TMCO4: variants seen among roughly 807,000 people sequenced by gnomAD.
TMCO4 encodes transmembrane and coiled-coil domain-containing protein 4.
TMCO4 carries 58 observed loss-of-function variants against 64.7 expected under a neutral mutation model. The ratio of observed to expected loss-of-function variants is 0.90; its 90% CI spans 0.73 to 1.12. The LOEUF is 1.12. Ranked by LOEUF, TMCO4 falls within the 50% of genes most tolerant of loss-of-function variation. TMCO4 has a pLI of 0.00. For missense variants in TMCO4, 780 were observed against 825.9 expected (o/e 0.94, Z 0.68); for synonymous variants, 325 against 346.1 (o/e 0.94, Z 0.68).
At chr1:19,792,768 T>TTC (rs1553154372) in intron 2 of TMCO4, among the ~76,000 whole-genome samples, 1 of 134,264 alleles carries the variant, frequency 7.4e-6, no homozygotes, top group Non-Finnish European at 1.5e-5. Flanking sequence ...AAGGTCAATT[T>TTC]TTTTTTTTTT....
chr1:19,750,910 G>A (rs1173822305), intron 7 of TMCO4, among the ~76,000 whole-genome samples: 2 of 152,120 alleles, frequency 1.3e-5, no homozygotes, highest in African/African-American at 4.8e-5. Context: ...ACATTATCCT[G>A]GAATTCTACA....
chr1:19,799,756 G>T (rs1348710587), intron 1 of TMCO4, 99 bp downstream of exon 1: 1 of 152,156 alleles, frequency 6.6e-6, no homozygotes, highest in African/African-American at 2.4e-5. Flanking sequence ...GGGCCCCGGG[G>T]CTGGGCCGGG....
chr1:19,768,259 T>C (rs2042829406), intron 6 of TMCO4, among the ~76,000 whole-genome samples: 2 of 152,172 alleles, frequency 1.3e-5, no homozygotes, highest in South Asian at 2.1e-4. Context: ...ACTTGGCACA[T>C]GGCGGCTTTG....
At chr1:19,792,544 G>T (rs1168186598) in intron 2 of TMCO4, among the ~76,000 whole-genome samples, 9 of 152,122 alleles carry the variant, frequency 5.9e-5, no homozygotes. Context: ...AATACCATTG[G>T]ATTTCTTCTT....
chr1:19,691,945 C>G (rs1194360318), intron 15 of TMCO4, among the ~76,000 whole-genome samples: 1 of 152,196 alleles, frequency 6.6e-6, no homozygotes, highest in Non-Finnish European at 1.5e-5. Context: ...TGGTTCTCTT[C>G]TCTGTCTTGC....
At chr1:19,717,301 A>G (rs2095361331) in intron 13 of TMCO4, among the ~76,000 whole-genome samples, 1 of 152,176 alleles carries the variant, frequency 6.6e-6, no homozygotes, top group South Asian at 2.1e-4. Flanking sequence ...GGTGTTCAGG[A>G]GGAGGTCCCT....
chr1:19,790,609 T>C (rs756894724), intron 2 of TMCO4, among the ~76,000 whole-genome samples: 20 of 151,994 alleles, frequency 1.3e-4, no homozygotes, highest in Non-Finnish European at 2.8e-4. Context: ...CACAATGAGA[T>C]ACCATCTCAT....
At chr1:19,764,184 G>A (rs1028254333) in intron 6 of TMCO4, among the ~76,000 whole-genome samples, 1 of 152,214 alleles carries the variant, frequency 6.6e-6, no homozygotes, top group African/African-American at 2.4e-5. Flanking sequence ...CAGGGGTGAA[G>A]TCTCCACTTA....
intron 14 of TMCO4, among the ~76,000 whole-genome samples, chr1:19,697,806 TG>T (rs1309563269): frequency 2.5e-4 from 37 of 150,678 alleles, no homozygotes; most frequent in African/African-American, 9.0e-4. Context: ...ACACAGGTTT[TG>T]CCATGTTGTT....
At position 19,765,373 on chromosome 1, in the gene TMCO4, A is replaced by C. The variant is rs146593570; in HGVS notation, c.382+5169T>G. On this transcript the variant is annotated intron_variant, in intron 6 of 15. Transcript: ENST00000294543. Reference sequence around the variant, plus strand: ...GCAACTAGAAGAACTTAGGAAGATTACCAAATGCAAGTAAACCAGCCCCAC... The same window carrying C: ...GCAACTAGAAGAACTTAGGAAGATTCCCAAATGCAAGTAAACCAGCCCCAC... Among the ~76,000 whole-genome samples the C allele has an allele frequency of 2.6e-5, 4 of 152,304 alleles. No homozygotes were observed. In the East Asian group the frequency reaches 7.7e-4, roughly 29 times the overall value.
chr1:19,777,158 T>C (rs939924776), intron 4 of TMCO4, among the ~76,000 whole-genome samples: 8 of 152,148 alleles, frequency 5.3e-5, no homozygotes, highest in Non-Finnish European at 1.0e-4. Flanking sequence ...GAAGGCTTCT[T>C]GGCTTCTCGG....
At chr1:19,684,525 C>G (rs1451819494) in intron 15 of TMCO4, among the ~76,000 whole-genome samples, 1 of 152,182 alleles carries the variant, frequency 6.6e-6, no homozygotes, top group Non-Finnish European at 1.5e-5. Flanking sequence ...TGGCTCTCAA[C>G]TTCCTCCGCT....
In TMCO4 at chr1:19,683,119, C is replaced by G; in HGVS notation, c.1826G>C (p.Ser609Thr). Residue 609 changes from serine to threonine, a missense_variant, in exon 16 of 16, where the codon AGC becomes ACC. Transcript: ENST00000294543. ...CAGTGGGTTGGGGTCCATGCCATGGCTGCAGATGGGGGGCCTTTCAGGGCT... is the reference window on the plus strand; with the variant it reads ...CAGTGGGTTGGGGTCCATGCCATGGGTGCAGATGGGGGGCCTTTCAGGGCT... ...AASPERPPIC[S>T]HGMDPNPLGC... is the part of the protein sequence containing the mutation. The G allele has an allele frequency of 6.2e-7, 1 of 1,613,292 alleles. No individual in the cohort carries two copies. The highest frequency in any genetic ancestry group is 8.5e-7 in the Non-Finnish European group (1 of 1,179,590).
At chr1:19,759,642 G>T (rs1367502977) in intron 6 of TMCO4, among the ~76,000 whole-genome samples, 1 of 152,132 alleles carries the variant, frequency 6.6e-6, no homozygotes, top group Non-Finnish European at 1.5e-5. Flanking sequence ...GGAAGTTCCT[G>T]CCCCAGATCT....
At position 19,712,577 on chromosome 1, in the gene TMCO4, G is replaced by A. The variant is rs2095335916; in HGVS notation, c.1265-11692C>T. Among the ~76,000 whole-genome samples, 5 of 149,316 alleles carry A rather than the reference G, an allele frequency of 3.3e-5. No homozygotes were observed. The Admixed American group carries it at 3.4e-4, about 10-fold the overall frequency. ...AGAGGTTGCAGTGAGCTGAGACCAT[G>A]CCACTGCACTCCAGCCTGGGCAACA... is the stretch of plus-strand genomic sequence containing the variant. On this transcript the variant is annotated intron_variant, in intron 13 of 15. Coordinates refer to ENST00000294543, the MANE Select transcript of TMCO4 (RefSeq NM_181719.7).
intron 6 of TMCO4, among the ~76,000 whole-genome samples, chr1:19,765,737 C>T (rs1056286652): frequency 6.6e-6 from 1 of 152,022 alleles, no homozygotes; most frequent in Non-Finnish European, 1.5e-5. Context: ...CAAAAAATTC[C>T]GCCCAGCTGC....
intron 4 of TMCO4, among the ~76,000 whole-genome samples, chr1:19,775,324 G>A (rs1428174055): frequency 2.6e-5 from 4 of 152,076 alleles, no homozygotes; most frequent in East Asian, 3.9e-4. Context: ...TGATCCACCC[G>A]CCTCGGCCTC....
intron 3 of TMCO4, among the ~76,000 whole-genome samples, chr1:19,784,060 T>C (rs1026936277): frequency 6.6e-6 from 1 of 152,206 alleles, no homozygotes; most frequent in Non-Finnish European, 1.5e-5. Flanking sequence ...CACGTGCCAC[T>C]TGGAGGCTAT....
intron 3 of TMCO4, among the ~76,000 whole-genome samples, chr1:19,781,641 C>CTTTTTTTTTTTTTTTT (rs1202912744): frequency 7.4e-6 from 1 of 134,414 alleles, no homozygotes; most frequent in Non-Finnish European, 1.6e-5. Flanking sequence ...ACAGAACTTT[C>CTTTTTTTTTTTTTTTT]TTTTTTTTTT....
Sources: gnomAD v4.1 joint callset for allele counts (sites outside exome capture counted in the v4.1 genomes callset) on GRCh38, gnomAD v4.1.1 for gene constraint, MANE v1.5 for transcripts, NCBI Gene and HGNC (gene_info 2026-07-23, HGNC 2026-07-21) for gene names.